The following FRMD4A variants were observed in gnomAD, a reference collection of about 807,000 sequenced individuals.
FRMD4A encodes FERM domain-containing protein 4A.
In FRMD4A, 29 loss-of-function variants were observed where a neutral mutation model predicts 129.1. That is an observed-to-expected ratio of 0.22 (90% CI 0.17 to 0.31). The LOEUF is 0.31. Ranked by LOEUF, FRMD4A falls within the 10% of genes least tolerant of loss-of-function variation. The probability of loss-of-function intolerance (pLI) is 1.00; values close to 1 mark genes in which losing one functional copy is unlikely to be tolerated. For synonymous variants in FRMD4A, 634 were observed against 571.6 expected (o/e 1.11, Z -1.56); for missense variants, 1,272 against 1,375.8 (o/e 0.92, Z 1.19).
intron 22 of FRMD4A, among the ~76,000 whole-genome samples, chr10:13,656,393 TGCAC>T (rs1444644877): frequency 6.6e-6 from 1 of 152,182 alleles, no homozygotes; most frequent in Non-Finnish European, 1.5e-5. Flanking sequence ...GCTGGCCCAG[TGCAC>T]TCTGGAGGGT....
At chr10:13,872,095 C>T (rs1339284559) in intron 2 of FRMD4A, among the ~76,000 whole-genome samples, 3 of 152,202 alleles carry the variant, frequency 2.0e-5, no homozygotes, top group Admixed American at 1.3e-4. Context: ...AAGTGCAGAA[C>T]GCTGAATGCT....
chr10:13,867,406 G>A (rs1331950323), intron 2 of FRMD4A, among the ~76,000 whole-genome samples: 1 of 151,196 alleles, frequency 6.6e-6, no homozygotes, highest in Non-Finnish European at 1.5e-5. Flanking sequence ...GATTACAGAC[G>A]CAAATCTCCA....
At chr10:13,837,498 T>C (rs1425193875) in intron 3 of FRMD4A, among the ~76,000 whole-genome samples, 1 of 152,242 alleles carries the variant, frequency 6.6e-6, no homozygotes, top group African/African-American at 2.4e-5. Flanking sequence ...ATCAGAAAGC[T>C]GGCAGTGGGG....
chr10:13,826,290 C>G (rs953745322), intron 3 of FRMD4A, among the ~76,000 whole-genome samples: 1 of 152,198 alleles, frequency 6.6e-6, no homozygotes, highest in African/African-American at 2.4e-5. Flanking sequence ...TCCTTCATCT[C>G]GGGAACCATG....
chr10:14,009,591 T>C (rs1056158119), intron 2 of FRMD4A, among the ~76,000 whole-genome samples: 5 of 152,158 alleles, frequency 3.3e-5, no homozygotes, highest in African/African-American at 1.2e-4. Flanking sequence ...AGTTTTGTAC[T>C]ATGAGAAAAT....
chr10:14,249,100 CA>C (rs1844343274), intron 2 of FRMD4A, among the ~76,000 whole-genome samples: 1 of 152,132 alleles, frequency 6.6e-6, no homozygotes, highest in Admixed American at 6.5e-5. Flanking sequence ...CCTGTAATCC[CA>C]GCACTTTGGG....
intron 3 of FRMD4A, among the ~76,000 whole-genome samples, chr10:13,833,175 C>T (rs1387492852): frequency 6.6e-6 from 1 of 152,090 alleles, no homozygotes; most frequent in Non-Finnish European, 1.5e-5. Flanking sequence ...TAAAGACATA[C>T]CTGAGACTGG....
At chr10:14,037,892 C>T (rs977662217) in intron 2 of FRMD4A, among the ~76,000 whole-genome samples, 8 of 152,176 alleles carry the variant, frequency 5.3e-5, no homozygotes, top group Admixed American at 6.5e-5. Flanking sequence ...TTCCCCAAGA[C>T]CAATTCCCTT....
intron 2 of FRMD4A, among the ~76,000 whole-genome samples, chr10:14,036,952 T>A (rs1833530771): frequency 6.6e-6 from 1 of 152,184 alleles, no homozygotes. Flanking sequence ...TGTTACTATT[T>A]TTTGAGTAGG....
At chr10:14,250,946 C>A (rs924394385) in intron 2 of FRMD4A, among the ~76,000 whole-genome samples, 1 of 152,190 alleles carries the variant, frequency 6.6e-6, no homozygotes, top group African/African-American at 2.4e-5. Context: ...AAAGCTGCCT[C>A]TTAGAAAGTT....
chr10:13,810,760 C>T (rs935112278), intron 4 of FRMD4A, 54 bp downstream of exon 4: 15 of 923,560 alleles, frequency 1.6e-5, no homozygotes, highest in Admixed American at 1.6e-4. Context: ...GGAGCAGTTT[C>T]GGGTTCTGCA....
chr10:13,908,908 C>A (rs1362857896), intron 2 of FRMD4A, among the ~76,000 whole-genome samples: 2 of 152,152 alleles, frequency 1.3e-5, no homozygotes, highest in African/African-American at 2.4e-5. Context: ...CACTGATTAT[C>A]TAAAATTTAT....
chr10:14,236,597 G>A (rs1204826888), intron 2 of FRMD4A, among the ~76,000 whole-genome samples: 1 of 152,060 alleles, frequency 6.6e-6, no homozygotes, highest in Admixed American at 6.5e-5. Flanking sequence ...ACCAGACAAG[G>A]GCTTCCAATC....
intron 3 of FRMD4A, among the ~76,000 whole-genome samples, chr10:13,838,081 G>A (rs905357029): frequency 6.6e-5 from 10 of 151,914 alleles, no homozygotes; most frequent in African/African-American, 1.7e-4. Context: ...GAATTACAAC[G>A]TGCTATCTCT....
chr10:14,199,966 T>C (rs968282332), intron 2 of FRMD4A, among the ~76,000 whole-genome samples: 2 of 150,576 alleles, frequency 1.3e-5, no homozygotes, highest in Admixed American at 6.6e-5. Flanking sequence ...TATGTTTACA[T>C]TGTGGAATGA....
intron 2 of FRMD4A, among the ~76,000 whole-genome samples, chr10:14,174,765 G>A (rs962519347): frequency 6.6e-6 from 1 of 152,082 alleles, no homozygotes; most frequent in Non-Finnish European, 1.5e-5. Flanking sequence ...CTGCAGTTTG[G>A]CCAGATGTTT....
intron 2 of FRMD4A, among the ~76,000 whole-genome samples, chr10:14,259,240 A>G (rs1294949271): frequency 6.6e-6 from 1 of 152,240 alleles, no homozygotes; most frequent in Non-Finnish European, 1.5e-5. Context: ...TAAGAATGAC[A>G]TGTAAATGGT....
At chr10:13,669,552 TAAAATACTA>T (rs934011402) in intron 17 of FRMD4A, among the ~76,000 whole-genome samples, 3 of 152,196 alleles carry the variant, frequency 2.0e-5, no homozygotes, top group Non-Finnish European at 2.9e-5. Context: ...ATCACTTTCT[TAAAATACTA>T]AAAATGTACA....
At chr10:13,945,615 G>T (rs1484755241) in intron 2 of FRMD4A, among the ~76,000 whole-genome samples, 1 of 152,072 alleles carries the variant, frequency 6.6e-6, no homozygotes. Flanking sequence ...TACCAGGCAG[G>T]GCTCTGCAGA....
Sources: allele counts gnomAD v4.1 joint callset (sites outside exome capture counted in the v4.1 genomes callset), GRCh38; gene constraint gnomAD v4.1.1; transcripts MANE v1.5; gene names NCBI Gene and HGNC (gene_info 2026-07-23, HGNC 2026-07-21).